The following ALK variants were observed in gnomAD, a reference collection of about 807,000 sequenced individuals.
ALK encodes the protein ALK receptor tyrosine kinase.
In ALK, 74 loss-of-function variants were observed where a neutral mutation model predicts 163.1. That is an observed-to-expected ratio of 0.45 (90% CI 0.38 to 0.55). The LOEUF (loss-of-function observed/expected upper bound fraction) is 0.55. ALK is among the 20% of genes least tolerant of loss of function. The pLI, the probability that ALK is intolerant of heterozygous loss-of-function variation, is 0.00. For missense variants in ALK, 2,063 were observed against 2,105.3 expected, an observed-to-expected ratio of 0.98 and a Z score of 0.39; for synonymous variants, 960 against 843.2, an observed-to-expected ratio of 1.14 and a Z score of -2.40.
At chr2:29,896,633 A>C (rs1667279965) in intron 1 of ALK, among the ~76,000 whole-genome samples, 1 of 152,188 alleles carries the variant, frequency 6.6e-6, no homozygotes, top group African/African-American at 2.4e-5. Flanking sequence ...GTGAGAAAAT[A>C]AATTTCTGCT....
Position 29,361,800 on chromosome 2 carries a change from G to A in ALK, c.1282+21932C>T, listed in dbSNP as rs151217827. On this transcript the variant is annotated intron_variant, in intron 5 of 28. Transcript: ENST00000389048. ...TATATTGTGGCCTATATCTACAACC[G>A]CTATCTGGTTGGAGGTCCTGGTTCT... Among the ~76,000 whole-genome samples the A allele has an allele frequency of 5.2e-3, 798 of 152,316 alleles. 9 individuals carry two copies. The highest frequency in any genetic ancestry group is 0.018 in the African/African-American group (764 of 41,556).
Position 29,752,412 on chromosome 2 carries a change from C to T in ALK, c.668-34715G>A, listed in dbSNP as rs1226114294. 2.1e-5 allele frequency among the ~76,000 whole-genome samples: 3 copies of T among 145,592 alleles called. No individual in the cohort carries two copies. In the Admixed American group the frequency reaches 2.1e-4, roughly 10 times the overall value. On this transcript the variant is annotated intron_variant, in intron 1 of 28. Transcript: ENST00000389048. ...TCGCCCAGGCTGGAGTGCAGTGGCGCGATCTCGACTCACTGCAAGCTCCGC... is the reference window on the plus strand; with the variant it reads ...TCGCCCAGGCTGGAGTGCAGTGGCGTGATCTCGACTCACTGCAAGCTCCGC...
At chr2:29,672,013 T>C (rs185081037) in intron 3 of ALK, among the ~76,000 whole-genome samples, 7 of 151,738 alleles carry the variant, frequency 4.6e-5, no homozygotes, top group Non-Finnish European at 7.4e-5. Context: ...CCAAAAGTAA[T>C]TGGCAATAAT....
intron 1 of ALK, among the ~76,000 whole-genome samples, chr2:29,821,493 T>C (rs1161179973): frequency 1.3e-5 from 2 of 152,122 alleles, no homozygotes; most frequent in Non-Finnish European, 2.9e-5. Flanking sequence ...GAGGTTCTCA[T>C]ATCCTGGTGA....
intron 11 of ALK, among the ~76,000 whole-genome samples, chr2:29,257,245 A>C (rs1488621082): frequency 6.7e-6 from 1 of 149,156 alleles, no homozygotes; most frequent in African/African-American, 2.5e-5. Context: ...TATGAAAGAA[A>C]AAAAAAAAGA....
intron 1 of ALK, among the ~76,000 whole-genome samples, chr2:29,718,834 G>T (rs1030464347): frequency 5.9e-5 from 9 of 152,192 alleles, no homozygotes; most frequent in African/African-American, 2.2e-4. Context: ...CCCACTTGGA[G>T]GGACTTTGTG....
chr2:29,356,338 T>A (rs902129831), intron 5 of ALK, among the ~76,000 whole-genome samples: 1 of 152,186 alleles, frequency 6.6e-6, no homozygotes, highest in Non-Finnish European at 1.5e-5. Context: ...AGAGGTTACA[T>A]AACTTACTCT....
chr2:29,642,740 G>T (rs1375850262), intron 3 of ALK, among the ~76,000 whole-genome samples: 1 of 151,986 alleles, frequency 6.6e-6, no homozygotes, highest in African/African-American at 2.4e-5. Flanking sequence ...ATCAAAATAA[G>T]CAACAACAAC....
At chr2:29,215,690 A>AG (rs1282654450) in intron 23 of ALK, among the ~76,000 whole-genome samples, 1 of 34,506 alleles carries the variant, frequency 2.9e-5, no homozygotes, top group Non-Finnish European at 1.0e-4. Flanking sequence ...GAGTGCCTGA[A>AG]GGGGGTTGGA....
At chr2:29,486,100 G>GTC (rs5830121) in intron 4 of ALK, among the ~76,000 whole-genome samples, 152,101 of 152,296 alleles carry the variant, frequency 1, 75,953 homozygotes, top group Middle Eastern at 1. Context: ...GAAACACGGT[G>GTC]TCTATTGTTC....
chr2:29,898,151 T>C (rs1667320639), intron 1 of ALK, among the ~76,000 whole-genome samples: 2 of 152,352 alleles, frequency 1.3e-5, no homozygotes, highest in East Asian at 1.9e-4. Context: ...CTCTCTTTCC[T>C]GCCACCTTCC....
chr2:29,677,356 A>G (rs867028030), intron 3 of ALK, among the ~76,000 whole-genome samples: 4 of 148,600 alleles, frequency 2.7e-5, no homozygotes, highest in African/African-American at 9.9e-5. Context: ...TTTTTCCCTT[A>G]TTCTTAATCT....
At chr2:29,545,426 A>T (rs72780227) in intron 3 of ALK, among the ~76,000 whole-genome samples, 1,659 of 152,316 alleles carry the variant, frequency 0.011, 23 homozygotes, top group Non-Finnish European at 0.017. Flanking sequence ...TGACATTTAG[A>T]ATAAAGAGGA....
Position 29,682,083 on chromosome 2 carries a change from T to C in ALK, c.952+12767A>G, listed in dbSNP as rs545540420. Reference sequence around the variant, plus strand: ...TAGTAGGGCCAGCCCATTTAGTCTGTATGTCAGCCAATCTTGCTGGTTCTG... The same window carrying C: ...TAGTAGGGCCAGCCCATTTAGTCTGCATGTCAGCCAATCTTGCTGGTTCTG... On this transcript the variant is annotated intron_variant, in intron 3 of 28. Coordinates refer to ENST00000389048, the MANE Select transcript of ALK (RefSeq NM_004304.5). Among the ~76,000 whole-genome samples the C allele has an allele frequency of 1.8e-3, 275 of 152,290 alleles. 2 individuals carry two copies. The highest frequency in any genetic ancestry group is 3.1e-3 in the Non-Finnish European group (210 of 68,014).
At chr2:29,826,553 G>A (rs1665207627) in intron 1 of ALK, among the ~76,000 whole-genome samples, 1 of 152,022 alleles carries the variant, frequency 6.6e-6, no homozygotes, top group Non-Finnish European at 1.5e-5. Context: ...TCTTATACAA[G>A]CCTCATGCAA....
rs1279043724 is a variant in ALK at position 29,673,522 on chromosome 2, G to C, written c.952+21328C>G. ...GCGTTATTTCTGAGGGCTCTGTTCTGTTCCATTGATCTATATTTCTGTTTT... is the reference window on the plus strand; with the variant it reads ...GCGTTATTTCTGAGGGCTCTGTTCTCTTCCATTGATCTATATTTCTGTTTT... On this transcript the variant is annotated intron_variant, in intron 3 of 28. Transcript: ENST00000389048. Among the ~76,000 whole-genome samples, 5 of 87,578 alleles carry C rather than the reference G, an allele frequency of 5.7e-5. No homozygotes were observed. In the East Asian group the frequency reaches 1.4e-3, roughly 25 times the overall value. The allele number at this position is 87,578 out of a possible 152,430, so 57.5% of individuals were successfully genotyped here.
chr2:29,203,192 C>T (rs1298963598), intron 26 of ALK, among the ~76,000 whole-genome samples: 2 of 152,106 alleles, frequency 1.3e-5, no homozygotes, highest in Non-Finnish European at 2.9e-5. Flanking sequence ...AACCAAATCT[C>T]ACTGGTGTAA....
chr2:29,379,525 A>G (rs1260061044), intron 5 of ALK, among the ~76,000 whole-genome samples: 1 of 152,192 alleles, frequency 6.6e-6, no homozygotes, highest in Non-Finnish European at 1.5e-5. Context: ...ACAATTATAA[A>G]ACACCTACTA....
At chr2:29,523,471 C>T (rs1370897621) in intron 4 of ALK, among the ~76,000 whole-genome samples, 1 of 152,164 alleles carries the variant, frequency 6.6e-6, no homozygotes. Flanking sequence ...GACTCATAGA[C>T]ATTTGTTGAC....
Sources: gnomAD v4.1 joint callset for allele counts (sites outside exome capture counted in the v4.1 genomes callset) on GRCh38, gnomAD v4.1.1 for gene constraint, MANE v1.5 for transcripts, NCBI Gene and HGNC (gene_info 2026-07-23, HGNC 2026-07-21) for gene names.